The following TTC21B variants were observed in gnomAD, a reference collection of about 807,000 sequenced individuals.
TTC21B encodes tetratricopeptide repeat domain 21B.
Under a neutral mutation model 175.1 loss-of-function variants are expected in TTC21B, and 127 were observed. The observed-to-expected ratio is 0.73, with a 90% CI of 0.63 to 0.84. The LOEUF (loss-of-function observed/expected upper bound fraction) is 0.84, where lower values mean the gene tolerates loss of function less well. Among genes scored for constraint, TTC21B ranks in the 40% least tolerant of loss-of-function variants. The probability of loss-of-function intolerance (pLI) is 0.00; values close to 1 mark genes in which losing one functional copy is unlikely to be tolerated. For missense variants in TTC21B, 1,561 were observed against 1,558.3 expected, an observed-to-expected ratio of 1.00 and a Z score of -0.03; for synonymous variants, 524 against 524.5, an observed-to-expected ratio of 1.00 and a Z score of 0.01.
At chr2:165,943,437 A>G (rs1435919846) in intron 4 of TTC21B, 96 bp from the exon 5 acceptor site, 1 of 943,500 alleles carries the variant, frequency 1.1e-6, no homozygotes, top group Middle Eastern at 2.3e-4. Context: ...AATTAATAAC[A>G]AAAAGGACTC....
chr2:165,878,436 G>A (rs535441700), intron 27 of TTC21B, among the ~76,000 whole-genome samples: 1 of 152,098 alleles, frequency 6.6e-6, no homozygotes, highest in Admixed American at 6.6e-5. Flanking sequence ...AACATGAGTA[G>A]TTTCTTCTCT....
At chr2:165,952,569 G>A (rs965883238) in intron 1 of TTC21B, among the ~76,000 whole-genome samples, 3 of 152,116 alleles carry the variant, frequency 2.0e-5, no homozygotes, top group Non-Finnish European at 2.9e-5. Context: ...GTAATGAGGA[G>A]GCCCATTTTT....
In TTC21B at chr2:165,890,940, C is replaced by T. The variant is rs370593471; in HGVS notation, c.2999G>A (p.Gly1000Glu). The change falls in exon 23 of 29, where the codon GGA becomes GAA. Residue 1000 changes from glycine (G) to glutamate (E), a missense_variant. By Grantham distance (98) the Gly-to-Glu change is moderately conservative. Transcript: ENST00000243344. ...SRLIDLLRRC[G>E]KLEDVPRFFS... ...AAATCTTGGGACATCCTCGAGTTTT[C>T]CACATCTTCTTAGGAGATCAATCAA... The T allele has an allele frequency of 2.2e-5, 35 of 1,613,086 alleles. No individual in the cohort carries two copies. The highest frequency in any genetic ancestry group is 2.9e-5 in the Non-Finnish European group (34 of 1,179,424).
Position 165,931,826 on chromosome 2 carries a change from T to TGC in TTC21B, c.825_826insGC (p.Thr276AlafsTer45). The TGC allele has an allele frequency of 6.2e-7, 1 of 1,613,382 alleles. No individual in the cohort carries two copies. On this transcript the variant is annotated frameshift_variant, in exon 8 of 29. Coordinates refer to ENST00000243344, the MANE Select transcript of TTC21B (RefSeq NM_024753.5). LOFTEE classifies it high-confidence loss of function. ...TTCTGTGGTTCCATGGCATCCAATG[T>TGC]ATTTCCCAAGTTTTCCAGCTTGGTG...
intron 12 of TTC21B, among the ~76,000 whole-genome samples, chr2:165,920,811 A>AAAATATTTTGAAATATTTTAAATATTT (rs1559060469): frequency 2.1e-4 from 32 of 152,168 alleles, no homozygotes; most frequent in South Asian, 4.2e-4. Flanking sequence ...CTAAATATTT[A>AAAATATTTTGAAATATTTTAAATATTT]AAAATGAGAA....
At chr2:165,877,628 G>A (rs1411174746) in intron 27 of TTC21B, among the ~76,000 whole-genome samples, 3 of 152,122 alleles carry the variant, frequency 2.0e-5, no homozygotes, top group Non-Finnish European at 2.9e-5. Context: ...TGATGAAATT[G>A]TCTAATGATG....
At position 165,929,229 on chromosome 2, in the gene TTC21B, T is replaced by C. The variant is rs1559066188; in HGVS notation, c.1292A>G (p.Glu431Gly). 6.2e-7 allele frequency: 1 copy of C among 1,613,088 alleles called. No homozygotes were observed. The highest frequency in any genetic ancestry group is 8.5e-7 in the Non-Finnish European group (1 of 1,179,374). ...DVLDTHFSQL[E>G]GLPLGIQYFE... The stretch of plus-strand genomic sequence containing the variant: ...ATACTGTATGCCAAGAGGCAAACCT[T>C]CTAATTGTGAAAAGTGAGTGTCCAG... The change falls in exon 11 of 29, where the codon GAA becomes GGA. Residue 431 changes from glutamate to glycine, a missense_variant. Glu to Gly is a moderately conservative substitution (Grantham distance 98). Coordinates refer to ENST00000243344, the MANE Select transcript of TTC21B (RefSeq NM_024753.5).
rs1685992299 is a variant in TTC21B at position 165,912,540 on chromosome 2, G to GTT, written c.2295_2296insAA (p.Leu766AsnfsTer19). 1 of 1,613,898 alleles carries GTT rather than the reference G, an allele frequency of 6.2e-7. No individual in the cohort carries two copies. Among genetic ancestry groups the GTT allele is most frequent in the South Asian group, 1.1e-5 (1 of 91,088 alleles). The stretch of plus-strand genomic sequence containing the variant: ...ATTGAGTAGTTATGAGTTTTGATAA[G>GTT]TGCTTTGCCCATTTTGCTTGCCAAT... On this transcript the variant is annotated frameshift_variant, in exon 17 of 29. Transcript: ENST00000243344. LOFTEE classifies it high-confidence loss of function.
At chr2:165,942,273 C>G (rs1428373292) in intron 5 of TTC21B, among the ~76,000 whole-genome samples, 1 of 152,144 alleles carries the variant, frequency 6.6e-6, no homozygotes, top group Non-Finnish European at 1.5e-5. Context: ...ATCTAGCAGA[C>G]TTGTTCCCAA....
At chr2:165,887,692 A>G (rs1322187170) in intron 25 of TTC21B, among the ~76,000 whole-genome samples, 4 of 152,316 alleles carry the variant, frequency 2.6e-5, no homozygotes, top group Admixed American at 2.6e-4. Context: ...CGACTCAAAA[A>G]AAAAGGAAAA....
At chr2:165,951,902 G>T (rs1024368138) in intron 1 of TTC21B, among the ~76,000 whole-genome samples, 1 of 152,194 alleles carries the variant, frequency 6.6e-6, no homozygotes, top group South Asian at 2.1e-4. Context: ...GGTGTGAGGG[G>T]AGGATGGATG....
chr2:165,950,845 T>C (rs1687742414), intron 1 of TTC21B, among the ~76,000 whole-genome samples: 1 of 152,178 alleles, frequency 6.6e-6, no homozygotes, highest in South Asian at 2.1e-4. Context: ...TGACTTCAAG[T>C]GATCCACCCG....
chr2:165,891,240 G>A (rs572184645), intron 22 of TTC21B, among the ~76,000 whole-genome samples: 23 of 152,066 alleles, frequency 1.5e-4, no homozygotes, highest in Non-Finnish European at 2.9e-4. Context: ...ATTTCTTGTA[G>A]CTTTTCTATT....
chr2:165,916,323 C>T (rs1686176373), intron 14 of TTC21B, among the ~76,000 whole-genome samples: 1 of 152,236 alleles, frequency 6.6e-6, no homozygotes, highest in South Asian at 2.1e-4. Context: ...AGAAATACAG[C>T]CTTCTTAATT....
chr2:165,950,904 G>A (rs975660952), intron 1 of TTC21B, among the ~76,000 whole-genome samples: 4 of 152,110 alleles, frequency 2.6e-5, no homozygotes, highest in East Asian at 1.9e-4. Flanking sequence ...CACCACGCCC[G>A]TCCGACAGCT....
intron 22 of TTC21B, among the ~76,000 whole-genome samples, chr2:165,897,826 G>A (rs1029696461): frequency 5.9e-5 from 9 of 152,302 alleles, no homozygotes; most frequent in Admixed American, 2.6e-4. Context: ...AAGAAGAACT[G>A]AGTGAGTTTA....
intron 11 of TTC21B, among the ~76,000 whole-genome samples, chr2:165,926,411 C>T (rs1485262536): frequency 6.6e-6 from 1 of 152,134 alleles, no homozygotes; most frequent in African/African-American, 2.4e-5. Context: ...ATAAGAACTG[C>T]TATGGCCCTA....
chr2:165,937,477 C>A (rs1415953932), intron 6 of TTC21B, among the ~76,000 whole-genome samples: 1 of 152,066 alleles, frequency 6.6e-6, no homozygotes, highest in Non-Finnish European at 1.5e-5. Context: ...TCCACTGTAA[C>A]AAATGTACCA....
chr2:165,934,362 C>T (rs1187015493), intron 6 of TTC21B, among the ~76,000 whole-genome samples: 2 of 151,226 alleles, frequency 1.3e-5, no homozygotes, highest in Non-Finnish European at 2.9e-5. Flanking sequence ...ATTAGCAGGG[C>T]GTGGTGGTGG....
Sources: gnomAD v4.1 joint callset for allele counts (sites outside exome capture counted in the v4.1 genomes callset) on GRCh38, gnomAD v4.1.1 for gene constraint, MANE v1.5 for transcripts, NCBI Gene and HGNC (gene_info 2026-07-23, HGNC 2026-07-21) for gene names.